EHMT1: variants seen among roughly 807,000 people sequenced by gnomAD.
EHMT1 encodes the protein histone-lysine N-methyltransferase EHMT1.
EHMT1 carries 15 observed loss-of-function variants against 147.2 expected under a neutral mutation model. The ratio of observed to expected loss-of-function variants is 0.10; its 90% CI spans 0.07 to 0.16. EHMT1 has a LOEUF of 0.16. Among genes scored for constraint, EHMT1 ranks in the 10% least tolerant of loss-of-function variants. EHMT1 has a pLI of 1.00. For missense variants in EHMT1, 1,587 were observed against 1,772.4 expected, an observed-to-expected ratio of 0.90 and a Z score of 1.88; for synonymous variants, 795 against 709.6, an observed-to-expected ratio of 1.12 and a Z score of -1.91.
At position 137,817,520 on chromosome 9, in the gene EHMT1, C is replaced by G; in HGVS notation, c.3456C>G (p.Val1152=). ...SLQDIPPGTF[V]CEYVGELISD... is the part of the protein sequence containing the mutation. ...AGGACATCCCACCAGGCACCTTTGT[C>G]TGCGAGTGAGTGAGTCCCTGGGTCA... The change falls in exon 24 of 27, where the codon GTC becomes GTG. Residue 1152 remains valine (V), a synonymous_variant. Transcript: ENST00000460843. 1.2e-6 allele frequency: 2 copies of G among 1,614,204 alleles called. No homozygotes were observed. The highest frequency in any genetic ancestry group is 1.7e-6 in the Non-Finnish European group (2 of 1,180,042).
intron 1 of EHMT1, among the ~76,000 whole-genome samples, chr9:137,627,020 C>T (rs1205431507): frequency 2.0e-5 from 3 of 151,914 alleles, no homozygotes; most frequent in African/African-American, 4.8e-5. Flanking sequence ...TGCAGTGGCC[C>T]CATCTCAGCT....
At chr9:137,820,906 C>T (rs1955360628) in intron 25 of EHMT1, among the ~76,000 whole-genome samples, 1 of 152,210 alleles carries the variant, frequency 6.6e-6, no homozygotes, top group African/African-American at 2.4e-5. Flanking sequence ...GAGACGGAGT[C>T]TCGCTCTGTC....
At chr9:137,629,027 A>G (rs1444243831) in intron 1 of EHMT1, among the ~76,000 whole-genome samples, 1 of 151,880 alleles carries the variant, frequency 6.6e-6, no homozygotes, top group African/African-American at 2.4e-5. Flanking sequence ...TCCTAAGGTA[A>G]GTGGGCAGTT....
intron 1 of EHMT1, among the ~76,000 whole-genome samples, chr9:137,665,252 C>A (rs1564555853): frequency 6.6e-6 from 1 of 152,132 alleles, no homozygotes; most frequent in Non-Finnish European, 1.5e-5. Flanking sequence ...CTACAAACAA[C>A]TTGGTCTTGA....
rs1428170276 is a variant in EHMT1, at chr9:137,727,363, TAAC to T, written c.643-985_643-983del. On this transcript the variant is annotated intron_variant, in intron 3 of 26. Transcript: ENST00000460843. ...TACTTTTGGTTTCACGTCTAGAAAA[TAAC>T]TGCCAGATCCAATGTTGGGAAGCTT... 3.3e-5 allele frequency among the ~76,000 whole-genome samples: 5 copies of T among 152,322 alleles called. No individual in the cohort carries two copies. In the East Asian group the frequency reaches 9.6e-4, roughly 29 times the overall value.
intron 3 of EHMT1, among the ~76,000 whole-genome samples, chr9:137,719,946 A>G (rs1385389719): frequency 2.9e-5 from 1 of 34,218 alleles, no homozygotes; most frequent in Admixed American, 2.3e-4. Context: ...ACCAGGACAC[A>G]GTCGAGGTGC....
chr9:137,727,027 G>T (rs1468748917), intron 3 of EHMT1, among the ~76,000 whole-genome samples: 2 of 152,154 alleles, frequency 1.3e-5, no homozygotes, highest in African/African-American at 4.8e-5. Flanking sequence ...TTGTTGAGTT[G>T]TAAGACTTTT....
chr9:137,629,965 A>C (rs967460574), intron 1 of EHMT1, among the ~76,000 whole-genome samples: 1 of 152,258 alleles, frequency 6.6e-6, no homozygotes, highest in East Asian at 1.9e-4. Flanking sequence ...GTATTAAAAA[A>C]AAATCTGATG....
intron 18 of EHMT1, among the ~76,000 whole-genome samples, chr9:137,807,062 G>C (rs1954010538): frequency 6.6e-6 from 1 of 152,172 alleles, no homozygotes; most frequent in Non-Finnish European, 1.5e-5. Flanking sequence ...TGTGCACGTA[G>C]GGTTCATTGA....
chr9:137,792,930 C>G (rs1952634355), intron 16 of EHMT1, among the ~76,000 whole-genome samples: 1 of 152,190 alleles, frequency 6.6e-6, no homozygotes, highest in Non-Finnish European at 1.5e-5. Flanking sequence ...CACCCCCTTG[C>G]CTGTCACGCA....
intron 8 of EHMT1, among the ~76,000 whole-genome samples, chr9:137,756,179 G>A (rs1201564128): frequency 6.6e-6 from 1 of 152,198 alleles, no homozygotes; most frequent in Non-Finnish European, 1.5e-5. Context: ...CAGGCTCCGC[G>A]CTTGCCTGTC....
In EHMT1 at chr9:137,716,792, C is replaced by T. The variant is rs749562769; in HGVS notation, c.252C>T (p.Gly84=). 8.9e-5 allele frequency: 143 copies of T among 1,613,168 alleles called. No individual in the cohort carries two copies. The highest frequency in any genetic ancestry group is 1.2e-4 in the Non-Finnish European group (138 of 1,179,886). The change falls in exon 3 of 27, where the codon GGC becomes GGT. Residue 84 remains glycine, a synonymous_variant. Transcript: ENST00000460843. ...GCGCAAGGGTCAACCCCCAGGATGG[C>T]ACCAACACACTAACTCGGATAGCGG... ...QDSARVNPQD[G]TNTLTRIAEN...
intron 1 of EHMT1, among the ~76,000 whole-genome samples, chr9:137,691,544 C>T (rs995218713): frequency 3.9e-5 from 6 of 152,034 alleles, no homozygotes; most frequent in African/African-American, 1.4e-4. Context: ...TTGATGGACA[C>T]TTGGGTTGCT....
At chr9:137,669,250 C>T (rs969784344) in intron 1 of EHMT1, among the ~76,000 whole-genome samples, 5 of 152,122 alleles carry the variant, frequency 3.3e-5, no homozygotes, top group East Asian at 1.9e-4. Context: ...GCACCCTTCT[C>T]GCCCAGTGCT....
At chr9:137,773,317 G>C (rs934580206) in intron 10 of EHMT1, among the ~76,000 whole-genome samples, 2 of 151,374 alleles carry the variant, frequency 1.3e-5, no homozygotes, top group African/African-American at 4.9e-5. Context: ...TTTGGTGGTG[G>C]TGGTGTGGAG....
intron 1 of EHMT1, chr9:137,667,103 A>C (rs1031788387): frequency 2.0e-5 from 3 of 151,936 alleles, no homozygotes; most frequent in African/African-American, 7.2e-5. Flanking sequence ...GGTGGAGGCC[A>C]CTCAGTGAGC....
intron 3 of EHMT1, among the ~76,000 whole-genome samples, chr9:137,719,384 C>T (rs1407551860): frequency 2.0e-5 from 3 of 152,040 alleles, no homozygotes; most frequent in East Asian, 1.9e-4. Context: ...GTGGTGGGTG[C>T]GTTGTGGGCC....
At chr9:137,736,709 G>A (rs1486633438) in intron 4 of EHMT1, among the ~76,000 whole-genome samples, 2 of 152,150 alleles carry the variant, frequency 1.3e-5, no homozygotes, top group East Asian at 3.9e-4. Flanking sequence ...TGGCCAACAT[G>A]GTGAAACCCC....
chr9:137,746,603 T>C (rs1948560770), intron 6 of EHMT1: 1 of 152,238 alleles, frequency 6.6e-6, no homozygotes. Context: ...TTGATTCATA[T>C]AGAATTAAAA....
Sources: gnomAD v4.1 joint callset for allele counts (sites outside exome capture counted in the v4.1 genomes callset) on GRCh38, gnomAD v4.1.1 for gene constraint, MANE v1.5 for transcripts, NCBI Gene and HGNC (gene_info 2026-07-23, HGNC 2026-07-21) for gene names.